The following ANKRD52 variants were observed in gnomAD, a reference collection of about 807,000 sequenced individuals.
The protein encoded by ANKRD52 is serine/threonine-protein phosphatase 6 regulatory ankyrin repeat subunit C.
Under a neutral mutation model 116.0 loss-of-function variants are expected in ANKRD52, and 7 were observed. That is an observed-to-expected ratio of 0.06 (90% CI 0.03 to 0.11). ANKRD52 has a LOEUF of 0.11. ANKRD52 is among the 10% of genes least tolerant of loss of function. ANKRD52 has a pLI of 1.00. For synonymous variants in ANKRD52, 528 were observed against 578.1 expected (o/e 0.91, Z 1.24); for missense variants, 839 against 1,408.6 (o/e 0.60, Z 6.47).
In ANKRD52 at chr12:56,244,706, T is replaced by C. The variant is rs1218213879; in HGVS notation, c.2668A>G (p.Thr890Ala). The C allele has an allele frequency of 1.2e-6, 2 of 1,613,852 alleles. No homozygotes were observed. Among genetic ancestry groups the C allele is most frequent in the East Asian group, 2.2e-5 (1 of 44,886 alleles). ...GCCGTCATGAGCGCAGTGCGGCCAGTGTGGTCAGTGGCGTTCACCTCAGCT... is the reference window on the plus strand; with the variant it reads ...GCCGTCATGAGCGCAGTGCGGCCAGCGTGGTCAGTGGCGTTCACCTCAGCT... ...HQAEVNATDH[T>A]GRTALMTAAE... Residue 890 changes from threonine to alanine, a missense_variant, in exon 24 of 28, where the codon ACT (threonine) becomes GCT (alanine). This residue lies in a region of ANKRD52 where 552 missense variants were observed against 810.6 expected (regional missense o/e 0.68). Transcript: ENST00000267116. This position sits in a 1 kb window ranked among gnomAD's most constrained non-coding sequence, Gnocchi z 4.9.
chr12:56,252,338 T>G lies in ANKRD52; in HGVS notation c.1371-23A>C, dbSNP rs745432723. Reference sequence around the variant, plus strand: ...GTCCTGGGGAAGAAGTGAAGGAGGGTGGGGAAGAGAATCAGAGACAGATAC... The same window carrying G: ...GTCCTGGGGAAGAAGTGAAGGAGGGGGGGGAAGAGAATCAGAGACAGATAC... On this transcript the variant is annotated intron_variant, in intron 13 of 27. Transcript: ENST00000267116. The surrounding 1 kb of genome is among the most constrained non-coding windows in gnomAD (Gnocchi z 4.7). The G allele has an allele frequency of 6.8e-6, 11 of 1,612,140 alleles. No individual in the cohort carries two copies. Among genetic ancestry groups the G allele is most frequent in the Non-Finnish European group, 9.3e-6 (11 of 1,178,676 alleles).
In ANKRD52 at chr12:56,248,216, G is replaced by A. The variant is rs770340773; in HGVS notation, c.1785C>T (p.Asn595=). The A allele has an allele frequency of 8.1e-6, 13 of 1,613,570 alleles. No homozygotes were observed. The highest frequency in any genetic ancestry group is 3.3e-4 in the Middle Eastern group (2 of 6,084). ...GCGTCTTCAAGGCTTCACAGTGACC[G>A]TTGTAGGCCTGGCAAGGTGCAGGCA... The part of the protein sequence containing the change: ...PVSPLHLAAY[N]GHCEALKTLA... Residue 595 remains asparagine (N), a synonymous_variant, in exon 18 of 28, where the codon AAC becomes AAT. Transcript: ENST00000267116. This position sits in a 1 kb window ranked among gnomAD's most constrained non-coding sequence, Gnocchi z 5.1.
In ANKRD52 at chr12:56,253,478, G is replaced by C. The variant is rs1211977170; in HGVS notation, c.986-76C>G. The C allele has an allele frequency of 1.7e-6, 2 of 1,181,720 alleles. No homozygotes were observed. The highest frequency in any genetic ancestry group is 2.5e-6 in the Non-Finnish European group (2 of 799,748). 73.2% of individuals were successfully genotyped at this position (1,181,720 alleles called of 1,614,324 possible). ...CACTTTCGCGAGCTAGCCATGATTT[G>C]AGTGCCTACTATGTATGCATCAGGT... is the stretch of plus-strand genomic sequence containing the variant. On this transcript the variant is annotated intron_variant, in intron 9 of 27. Transcript: ENST00000267116. The surrounding 1 kb of genome is among the most constrained non-coding windows in gnomAD (Gnocchi z 5.5).
In ANKRD52 at chr12:56,245,100, T is replaced by TA; in HGVS notation, c.2492+2dup. ...AAGGGCTGATGCAGCAGAAGGGACT[T>TA]ACACTGCACAGTGCAAAGGAGTGAA... On this transcript the variant is annotated splice_region_variant and intron_variant, in intron 22 of 27. Transcript: ENST00000267116. 1 of 1,613,992 alleles carries TA rather than the reference T, an allele frequency of 6.2e-7. No individual in the cohort carries two copies. The highest frequency in any genetic ancestry group is 2.2e-5 in the East Asian group (1 of 44,884).
In ANKRD52 at chr12:56,239,449, G is replaced by A. The variant is rs1320185926; in HGVS notation, c.*3693C>T. The stretch of plus-strand genomic sequence containing the variant: ...CCCATACTGGTTTGCCCCAGGAGTA[G>A]GGTTTCTGGGCTAGGGTCTGTAAGG... On this transcript the variant is annotated 3_prime_UTR_variant, in exon 28 of 28. Transcript: ENST00000267116. 1 of 152,292 alleles carries A rather than the reference G, an allele frequency of 6.6e-6. No homozygotes were observed. Among genetic ancestry groups the A allele is most frequent in the African/African-American group, 2.4e-5 (1 of 41,438 alleles). The allele number at this position is 152,292 out of a possible 1,614,324, so 9.4% of individuals were successfully genotyped here.
Position 56,245,198 on chromosome 12 carries a change from CGAGG to C in ANKRD52, c.2405-12_2405-9del, listed in dbSNP as rs1174576471. ...CCAGACAATCTTCATGTCCTGGGCACGAGGAAGGAAGAGTAGTGATGGAGAAAAA... is the reference window on the plus strand; with the variant it reads ...CCAGACAATCTTCATGTCCTGGGCACAAGGAAGAGTAGTGATGGAGAAAAA... On this transcript the variant is annotated splice_polypyrimidine_tract_variant and intron_variant, in intron 21 of 27. Coordinates refer to ENST00000267116, the MANE Select transcript of ANKRD52 (RefSeq NM_173595.4). 6.2e-7 allele frequency: 1 copy of C among 1,613,898 alleles called. No homozygotes were observed. Among genetic ancestry groups the C allele is most frequent in the East Asian group, 2.2e-5 (1 of 44,876 alleles).
At chr12:56,250,403 C>T (rs1871632702) in intron 15 of ANKRD52, among the ~76,000 whole-genome samples, 1 of 147,978 alleles carries the variant, frequency 6.8e-6, no homozygotes, top group Non-Finnish European at 1.5e-5. Context: ...TCTCACTAGG[C>T]TGCCCAGGCT....
chr12:56,258,362 G>A lies in ANKRD52; in HGVS notation c.-93C>T, dbSNP rs1208235161. On this transcript the variant is annotated 5_prime_UTR_variant, in exon 1 of 28. Coordinates refer to ENST00000267116, the MANE Select transcript of ANKRD52 (RefSeq NM_173595.4). ...GAGCGGCCCAGGCGGCGGCTGCGGT[G>A]GCGGCTGCAGGGAGAGCGCGGCCCC... 1.5e-6 allele frequency: 2 copies of A among 1,328,372 alleles called. No individual in the cohort carries two copies. 82.3% of individuals were successfully genotyped at this position (1,328,372 alleles called of 1,614,324 possible). A position where few individuals can be genotyped will look rare whatever the true frequency, so the allele number is the denominator to read the frequency against.
chr12:56,243,653 G>T lies in ANKRD52; in HGVS notation c.2980+132C>A. On this transcript the variant is annotated intron_variant, in intron 27 of 27. Coordinates refer to ENST00000267116, the MANE Select transcript of ANKRD52 (RefSeq NM_173595.4). The surrounding 1 kb of genome is among the most constrained non-coding windows in gnomAD (Gnocchi z 4.6). ...TCCCCTCTGAGACTCCAGAGTACTGGTGTGGGCTCCCTGCTCTGAAGAGTT... is the reference window on the plus strand; with the variant it reads ...TCCCCTCTGAGACTCCAGAGTACTGTTGTGGGCTCCCTGCTCTGAAGAGTT... 1 of 1,057,976 alleles carries T rather than the reference G, an allele frequency of 9.5e-7. No individual in the cohort carries two copies. Among genetic ancestry groups the T allele is most frequent in the Non-Finnish European group, 1.4e-6 (1 of 730,714 alleles). 65.5% of individuals were successfully genotyped at this position (1,057,976 alleles called of 1,614,324 possible).
Position 56,253,199 on chromosome 12 carries a change from T to G in ANKRD52, c.1100+89A>C. On this transcript the variant is annotated intron_variant, in intron 10 of 27. Transcript: ENST00000267116. This position sits in a 1 kb window ranked among gnomAD's most constrained non-coding sequence, Gnocchi z 5.5. ...GGTAGGAGGTTCTCCAAGGTGCCCT[T>G]TGGCAAGCTTATCTGTGCCTCCATG... 1 of 1,486,256 alleles carries G rather than the reference T, an allele frequency of 6.7e-7. No homozygotes were observed. Among genetic ancestry groups the G allele is most frequent in the African/African-American group, 1.4e-5 (1 of 72,228 alleles). 92.1% of individuals were successfully genotyped at this position (1,486,256 alleles called of 1,614,324 possible).
Position 56,253,102 on chromosome 12 carries a change from G to A in ANKRD52, c.1101-16C>T. On this transcript the variant is annotated splice_polypyrimidine_tract_variant and intron_variant, in intron 10 of 27. Transcript: ENST00000267116. This position sits in a 1 kb window ranked among gnomAD's most constrained non-coding sequence, Gnocchi z 5.5. The stretch of plus-strand genomic sequence containing the variant: ...GATGCCACGCCTAGAGAGAAGTTGA[G>A]GGACTCAGTCCTTGGGTCAAGGAGG... 1.3e-6 allele frequency: 2 copies of A among 1,556,742 alleles called. No individual in the cohort carries two copies. The highest frequency in any genetic ancestry group is 1.2e-5 in the South Asian group (1 of 82,224).
Position 56,243,707 on chromosome 12 carries a change from A to T in ANKRD52, c.2980+78T>A. 7.1e-7 allele frequency: 1 copy of T among 1,402,724 alleles called. No homozygotes were observed. The highest frequency in any genetic ancestry group is 1.2e-5 in the South Asian group (1 of 80,170). 86.9% of individuals were successfully genotyped at this position (1,402,724 alleles called of 1,614,324 possible). ...TTGGGAAGAAAATCCCATGTATAGCAAGATTAAGAAGTCACCTCCTGAAGA... is the reference window on the plus strand; with the variant it reads ...TTGGGAAGAAAATCCCATGTATAGCTAGATTAAGAAGTCACCTCCTGAAGA... On this transcript the variant is annotated intron_variant, in intron 27 of 27. Coordinates refer to ENST00000267116, the MANE Select transcript of ANKRD52 (RefSeq NM_173595.4). The surrounding 1 kb of genome is among the most constrained non-coding windows in gnomAD (Gnocchi z 4.6).
chr12:56,252,128 C>T lies in ANKRD52; in HGVS notation c.1512-33G>A, dbSNP rs756287583. ...AGAGAGAGAGAAAGTTAGGGCCAGG[C>T]TCAGGGAGGTGAATGGGGCTGAGAA... On this transcript the variant is annotated intron_variant, in intron 14 of 27. Transcript: ENST00000267116. The surrounding 1 kb of genome is among the most constrained non-coding windows in gnomAD (Gnocchi z 4.7). The T allele has an allele frequency of 3.7e-6, 6 of 1,613,874 alleles. No individual in the cohort carries two copies. The highest frequency in any genetic ancestry group is 4.5e-5 in the East Asian group (2 of 44,888).
At chr12:56,257,721 G>T in intron 2 of ANKRD52, 107 bp downstream of exon 2, 2 of 1,063,138 alleles carry the variant, frequency 1.9e-6, no homozygotes, top group South Asian at 1.4e-5. Flanking sequence ...AAAGAACTGC[G>T]GCCTCATCTG....
In ANKRD52 at chr12:56,252,992, A is replaced by G. The variant is rs1262809279; in HGVS notation, c.1183+12T>C. On this transcript the variant is annotated intron_variant, in intron 11 of 27. Coordinates refer to ENST00000267116, the MANE Select transcript of ANKRD52 (RefSeq NM_173595.4). The surrounding 1 kb of genome is among the most constrained non-coding windows in gnomAD (Gnocchi z 4.7). ...CTATACACCTGCCAATCCCCAGCCC[A>G]TCAGCACATACCTGAGGAAAGAAGC... is the stretch of plus-strand genomic sequence containing the variant. The G allele has an allele frequency of 1.3e-6, 2 of 1,585,194 alleles. No individual in the cohort carries two copies. Among genetic ancestry groups the G allele is most frequent in the Admixed American group, 3.7e-5 (2 of 54,620 alleles).
At position 56,252,095 on chromosome 12, in the gene ANKRD52, T is replaced by C; in HGVS notation, c.1512A>G (p.Arg504=). Reference sequence around the variant, plus strand: ...GGCTGGAAGGTGTATGGGGTTCCGCTCTGGGGAAGAGAGAGAGAAAGTTAG... The same window carrying C: ...GGCTGGAAGGTGTATGGGGTTCCGCCCTGGGGAAGAGAGAGAGAAAGTTAG... The part of the protein sequence containing the change: ...HYAAASDTYR[R]AEPHTPSSHD... The change falls in exon 15 of 28, where the codon AGA becomes AGG. Residue 504 remains arginine, a splice_region_variant and synonymous_variant. Transcript: ENST00000267116. The surrounding 1 kb of genome is among the most constrained non-coding windows in gnomAD (Gnocchi z 4.7). 3 of 1,613,856 alleles carry C rather than the reference T, an allele frequency of 1.9e-6. No homozygotes were observed. Among genetic ancestry groups the C allele is most frequent in the Non-Finnish European group, 2.5e-6 (3 of 1,179,856 alleles).
At position 56,243,705 on chromosome 12, in the gene ANKRD52, G is replaced by A. The variant is rs1261831708; in HGVS notation, c.2980+80C>T. 3 of 1,393,112 alleles carry A rather than the reference G, an allele frequency of 2.2e-6. No individual in the cohort carries two copies. Among genetic ancestry groups the A allele is most frequent in the Admixed American group, 4.2e-5 (2 of 47,860 alleles). 86.3% of individuals were successfully genotyped at this position (1,393,112 alleles called of 1,614,324 possible). On this transcript the variant is annotated intron_variant, in intron 27 of 27. Transcript: ENST00000267116. The surrounding 1 kb of genome is among the most constrained non-coding windows in gnomAD (Gnocchi z 4.6). Reference sequence around the variant, plus strand: ...CCTTGGGAAGAAAATCCCATGTATAGCAAGATTAAGAAGTCACCTCCTGAA... The same window carrying A: ...CCTTGGGAAGAAAATCCCATGTATAACAAGATTAAGAAGTCACCTCCTGAA...
rs1871833502 is a variant in ANKRD52 at position 56,254,182 on chromosome 12, T to C, written c.791A>G (p.Asn264Ser). 1.9e-6 allele frequency: 3 copies of C among 1,613,960 alleles called. No homozygotes were observed. Among genetic ancestry groups the C allele is most frequent in the Non-Finnish European group, 2.5e-6 (3 of 1,179,888 alleles). The stretch of plus-strand genomic sequence containing the variant: ...GCCCTTGTCATTCGGCTGGTTGACA[T>C]TGGCTCCGGCATTCACCAGCTCAAT... Reference protein sequence around the residue: ...VAIELVNAGANVNQPNDKGFT... With the variant: ...VAIELVNAGASVNQPNDKGFT... The change falls in exon 8 of 28, where the codon AAT becomes AGT. Residue 264 changes from asparagine to serine, a missense_variant. Physicochemically the swap from Asn to Ser is conservative, Grantham distance 46. This residue lies in a region of ANKRD52 where 287 missense variants were observed against 598.1 expected (regional missense o/e 0.48). Transcript: ENST00000267116. The surrounding 1 kb of genome is among the most constrained non-coding windows in gnomAD (Gnocchi z 4.6).
At chr12:56,245,082 G>C (rs1871335086) in intron 22 of ANKRD52, 21 bp downstream of exon 22, 2 of 1,613,538 alleles carry the variant, frequency 1.2e-6, no homozygotes, top group African/African-American at 2.7e-5. Flanking sequence ...GAGAAGGGCT[G>C]ATGCAGCAGA....
Sources: gnomAD v4.1 joint callset for allele counts (sites outside exome capture counted in the v4.1 genomes callset) on GRCh38, gnomAD v4.1.1 for gene constraint, gnomAD v4.1.1 regional missense constraint, Gnocchi (gnomAD v3.1) non-coding constraint, MANE v1.5 for transcripts, NCBI Gene and HGNC (gene_info 2026-07-23, HGNC 2026-07-21) for gene names.